Variants in NBPF26 observed in about 807,000 individuals in gnomAD.
NBPF26 encodes NBPF family member NBPF26.
Under a neutral mutation model 119.6 loss-of-function variants are expected in NBPF26, and 79 were observed. The observed-to-expected ratio is 0.66, with a 90% CI of 0.55 to 0.80. The LOEUF is 0.80. NBPF26 is among the 30% of genes least tolerant of loss of function. The probability of loss-of-function intolerance (pLI) is 0.00; values close to 1 mark genes in which losing one functional copy is unlikely to be tolerated. For missense variants in NBPF26, 800 were observed against 1,198.2 expected, an observed-to-expected ratio of 0.67 and a Z score of 4.91; for synonymous variants, 299 against 457.7, an observed-to-expected ratio of 0.65 and a Z score of 4.43.
Position 120,816,945 on chromosome 1 carries a change from C to T in NBPF26, c.2371+118C>T, listed in dbSNP as rs1177286705. 25 of 1,132,310 alleles carry T rather than the reference C, an allele frequency of 2.2e-5. 3 individuals are homozygous for T. The highest frequency in any genetic ancestry group is 3.1e-5 in the Non-Finnish European group (25 of 817,638). The allele number at this position is 1,132,310 out of a possible 1,614,324, so 70.1% of individuals were successfully genotyped here. A position where few individuals can be genotyped will look rare whatever the true frequency, so the allele number is the denominator to read the frequency against. On this transcript the variant is annotated intron_variant, in intron 14 of 29. Coordinates refer to ENST00000620612, the Ensembl canonical transcript of NBPF26. Reference sequence around the variant, plus strand: ...TAAAAAACTGTGATGGGTTTCTAAACAGATATCAGGGAGTTTTTTGTCCTT... The same window carrying T: ...TAAAAAACTGTGATGGGTTTCTAAATAGATATCAGGGAGTTTTTTGTCCTT...
At position 120,776,190 on chromosome 1, in the gene NBPF26, T is replaced by A. The variant is rs1428855957; in HGVS notation, c.156-8784T>A. Among the ~76,000 whole-genome samples, 5 of 116,834 alleles carry A rather than the reference T, an allele frequency of 4.3e-5. 1 individual carries two copies. The highest frequency in any genetic ancestry group is 1.6e-5 in the Non-Finnish European group (1 of 60,986). The allele number at this position is 116,834 out of a possible 152,430, so 76.6% of individuals were successfully genotyped here. ...ATGAGAATTAATAATTTTAGTCTGT[T>A]GACAGATAATCATAATAAGGGCTAA... On this transcript the variant is annotated intron_variant, in intron 2 of 29. Transcript: ENST00000620612.
chr1:120,823,752 CTGTGTGTGTGTGTGTGTGTGTG>C (rs1177031452), intron 17 of NBPF26, among the ~76,000 whole-genome samples, 200 bp from the exon 18 acceptor site: 5 of 73,340 alleles, frequency 6.8e-5, no homozygotes, highest in African/African-American at 4.5e-4. Flanking sequence ...TGAGCTCGCT[CTGTGTGTGTGTGTGTGTGTGTG>C]TGTGTGTGTG....
Position 120,811,548 on chromosome 1 carries a change from C to CA in NBPF26, c.1565-331dup, listed in dbSNP as rs1282260372. Among the ~76,000 whole-genome samples, 16 of 112,230 alleles carry CA rather than the reference C, an allele frequency of 1.4e-4. 6 individuals carry two copies. Among genetic ancestry groups the CA allele is most frequent in the African/African-American group, 5.1e-4 (10 of 19,480 alleles). The allele number at this position is 112,230 out of a possible 152,430, so 73.6% of individuals were successfully genotyped here. A position where few individuals can be genotyped will look rare whatever the true frequency, so the allele number is the denominator to read the frequency against. On this transcript the variant is annotated intron_variant, in intron 9 of 29. Transcript: ENST00000620612. ...CGACAGAGTGAGACTCCGTCTCAAACAAAAAAACCAAAAAAGAAAATTAAG... is the reference window on the plus strand; with the variant it reads ...CGACAGAGTGAGACTCCGTCTCAAACAAAAAAAACCAAAAAAGAAAATTAAG...
At chr1:120,791,342 G>A (rs1398275935) in intron 3 of NBPF26, among the ~76,000 whole-genome samples, 1 of 99,232 alleles carries the variant, frequency 1.0e-5, no homozygotes, top group Non-Finnish European at 1.8e-5. Flanking sequence ...AAAGACACAT[G>A]CACACGTATG....
At chr1:120,808,335 G>C (rs1249060749) in intron 6 of NBPF26, among the ~76,000 whole-genome samples, 1 of 119,020 alleles carries the variant, frequency 8.4e-6, no homozygotes, top group Non-Finnish European at 1.7e-5. Flanking sequence ...GAACATCATC[G>C]AGGATCTTGC....
chr1:120,724,373 C>T lies in NBPF26; in HGVS notation c.73+123C>T, dbSNP rs1650791244. ...GCTCGGCCGCCGGCGCGGAGTGAGG[C>T]CACTCGCTGGGTTCCCAAGAGTTTG... On this transcript the variant is annotated intron_variant, in intron 1 of 29. Transcript: ENST00000620612. The T allele has an allele frequency of 3.4e-5, 46 of 1,347,760 alleles. 10 individuals are homozygous for T. The South Asian group carries it at 6.0e-4, about 18-fold the overall frequency. 83.5% of individuals were successfully genotyped at this position (1,347,760 alleles called of 1,614,324 possible). A position where few individuals can be genotyped will look rare whatever the true frequency, so the allele number is the denominator to read the frequency against.
At chr1:120,804,472 G>A (rs1206855185) in intron 4 of NBPF26, among the ~76,000 whole-genome samples, 2 of 79,520 alleles carry the variant, frequency 2.5e-5, no homozygotes, top group Non-Finnish European at 4.4e-5. Context: ...AGAACTGCTC[G>A]TGGCCCTGTT....
At position 120,822,968 on chromosome 1, in the gene NBPF26, G is replaced by A. The variant is rs1396714129; in HGVS notation, c.2588-341G>A. Among the ~76,000 whole-genome samples, 2 of 126,142 alleles carry A rather than the reference G, an allele frequency of 1.6e-5. 1 individual carries two copies. The highest frequency in any genetic ancestry group is 3.2e-5 in the Non-Finnish European group (2 of 61,732). 82.8% of individuals were successfully genotyped at this position (126,142 alleles called of 152,430 possible). ...AACTATCAAATTCTGGGTATTTAAT[G>A]AGAAAAGCCTAATATTGAAGTATCT... On this transcript the variant is annotated intron_variant, in intron 16 of 29. Coordinates refer to ENST00000620612, the Ensembl canonical transcript of NBPF26.
exon 1 of NBPF26, chr1:120,724,177 G>T (rs1650787593): frequency 5.8e-6 from 8 of 1,391,266 alleles, no homozygotes; most frequent in Non-Finnish European, 7.5e-6. Context: ...CGACCGAGAA[G>T]ATGCCCGCCC....
At chr1:120,810,149 T>G (rs1651823235) in intron 8 of NBPF26, among the ~76,000 whole-genome samples, 198 bp from the exon 9 acceptor site, 2 of 122,422 alleles carry the variant, frequency 1.6e-5, no homozygotes, top group Admixed American at 7.6e-5. Context: ...CCAGCTGCTC[T>G]CTTCCTCTCT....
intron 16 of NBPF26, among the ~76,000 whole-genome samples, chr1:120,822,867 A>G (rs1190610034): frequency 1.7e-5 from 2 of 120,280 alleles, no homozygotes; most frequent in Admixed American, 8.0e-5. Flanking sequence ...GCTTCTGTGT[A>G]GAACCAAGTT....
At chr1:120,840,460 A>C in exon 30 of NBPF26, 1 of 1,478,052 alleles carries the variant, frequency 6.8e-7, no homozygotes, top group East Asian at 2.3e-5. Context: ...TCATTCCAGC[A>C]CTACAGAAGT....
chr1:120,823,960 T>TC lies in NBPF26; in HGVS notation c.2640-11dup. The TC allele has an allele frequency of 2.9e-6, 2 of 700,780 alleles. No homozygotes were observed. The highest frequency in any genetic ancestry group is 4.5e-6 in the Non-Finnish European group (2 of 441,278). 43.4% of individuals were successfully genotyped at this position (700,780 alleles called of 1,614,324 possible). ...TCCCCCTGGCTTATTCTTTACTTTT[T>TC]CCCACTTTTCCAGGCTCAGCAGAGA... is the stretch of plus-strand genomic sequence containing the variant. On this transcript the variant is annotated splice_polypyrimidine_tract_variant and intron_variant, in intron 17 of 29. Transcript: ENST00000620612.
Position 120,785,144 on chromosome 1 carries a change from G to T in NBPF26, c.326G>T (p.Cys109Phe). 34 of 1,446,580 alleles carry T rather than the reference G, an allele frequency of 2.4e-5. 7 individuals carry two copies. Among genetic ancestry groups the T allele is most frequent in the Admixed American group, 3.9e-5 (2 of 51,482 alleles). 89.6% of individuals were successfully genotyped at this position (1,446,580 alleles called of 1,614,324 possible). A position where few individuals can be genotyped will look rare whatever the true frequency, so the allele number is the denominator to read the frequency against. ...TGCCAGTACTCGACACCTCATCCAT[G>T]CTTTGTGTCTCGACCTTGCCTGAAT... The change falls in exon 3 of 30, where the codon TGC becomes TTC. Residue 109 changes from cysteine (C) to phenylalanine (F), a missense_variant. This residue lies in a region of NBPF26 where 209 missense variants were observed against 285.2 expected (regional missense o/e 0.73). Transcript: ENST00000620612.
At position 120,816,743 on chromosome 1, in the gene NBPF26, A is replaced by T. The variant is rs1268412433; in HGVS notation, c.2287A>T (p.Thr763Ser). Reference sequence around the variant, plus strand: ...CCAGCCACATAGGAAAACCAAAATCACATTTGAGGAAGACAAAGTCGACTC... The same window carrying T: ...CCAGCCACATAGGAAAACCAAAATCTCATTTGAGGAAGACAAAGTCGACTC... Residue 763 changes from threonine to serine, a missense_variant, in exon 14 of 30, where the codon ACA (threonine) becomes TCA (serine). By Grantham distance (58) the Thr-to-Ser change is moderately conservative. Transcript: ENST00000620612. 5.0e-5 allele frequency: 68 copies of T among 1,371,538 alleles called. 12 individuals carry two copies. The highest frequency in any genetic ancestry group is 6.5e-5 in the Non-Finnish European group (67 of 1,026,584). The allele number at this position is 1,371,538 out of a possible 1,614,324, so 85.0% of individuals were successfully genotyped here. A position where few individuals can be genotyped will look rare whatever the true frequency, so the allele number is the denominator to read the frequency against.
At chr1:120,728,812 CTT>C (rs1348211431) in intron 1 of NBPF26, among the ~76,000 whole-genome samples, 8 of 101,904 alleles carry the variant, frequency 7.9e-5, no homozygotes, top group Admixed American at 1.9e-4. Flanking sequence ...AGTATATTTG[CTT>C]TTTTTTTTTT....
At chr1:120,801,397 A>G (rs1651579445) in intron 4 of NBPF26, among the ~76,000 whole-genome samples, 1 of 115,282 alleles carries the variant, frequency 8.7e-6, no homozygotes, top group Non-Finnish European at 1.7e-5. Context: ...GGAATATGGT[A>G]AAAGACACTG....
exon 14 of NBPF26, chr1:120,816,629 C>A: frequency 9.7e-7 from 1 of 1,032,418 alleles, no homozygotes. Context: ...CAGGGAGATG[C>A]AGAAGGCTGA....
In NBPF26 at chr1:120,808,546, C is replaced by T. The variant is rs1553270469; in HGVS notation, c.1066C>T (p.Gln356Ter). ...ATTTTCTCTACCGTCTCACCTTAGG[C>T]AATATAAAGTCCTGGTTCACTCTCA... Residue 356 changes from glutamine to a stop codon, truncating the protein, a stop_gained and splice_region_variant, in exon 7 of 30, where the codon CAA becomes TAA. Transcript: ENST00000620612. LOFTEE classifies it high-confidence loss of function. The T allele has an allele frequency of 1.4e-6, 1 of 691,638 alleles. No homozygotes were observed. Among genetic ancestry groups the T allele is most frequent in the African/African-American group, 2.9e-5 (1 of 34,674 alleles). The allele number at this position is 691,638 out of a possible 1,614,324, so 42.8% of individuals were successfully genotyped here. A position where few individuals can be genotyped will look rare whatever the true frequency, so the allele number is the denominator to read the frequency against.
Sources: gnomAD v4.1 joint callset for allele counts (sites outside exome capture counted in the v4.1 genomes callset) on GRCh38, gnomAD v4.1.1 for gene constraint, gnomAD v4.1.1 regional missense constraint, MANE v1.5 for transcripts, NCBI Gene and HGNC (gene_info 2026-07-23, HGNC 2026-07-21) for gene names.